Variants in COG6 observed in about 807,000 individuals in gnomAD.
COG6 encodes component of oligomeric golgi complex 6, also known as conserved oligomeric Golgi complex subunit 6.
In COG6, 74 loss-of-function variants were observed where a neutral mutation model predicts 88.8. The observed-to-expected ratio is 0.83, with a 90% CI of 0.69 to 1.01. COG6 has a LOEUF of 1.01. COG6 is among the 50% of genes least tolerant of loss of function. The pLI is 0.00. For synonymous variants in COG6, 286 were observed against 278.7 expected (o/e 1.03, Z -0.26); for missense variants, 800 against 797.9 (o/e 1.00, Z -0.03).
chr13:39,715,982 A>C (rs1878507460), intron 13 of COG6, among the ~76,000 whole-genome samples: 1 of 152,060 alleles, frequency 6.6e-6, no homozygotes, highest in Non-Finnish European at 1.5e-5. Flanking sequence ...AGGAATGATA[A>C]ATAGAATACT....
At chr13:39,733,278 C>T (rs1879555006) in intron 18 of COG6, among the ~76,000 whole-genome samples, 1 of 149,800 alleles carries the variant, frequency 6.7e-6, no homozygotes, top group Non-Finnish European at 1.5e-5. Context: ...GCAACCTCTG[C>T]GTCCTGGGTG....
chr13:39,678,354 CTGAG>C (rs1876101426), intron 5 of COG6, among the ~76,000 whole-genome samples: 1 of 152,134 alleles, frequency 6.6e-6, no homozygotes, highest in African/African-American at 2.4e-5. Flanking sequence ...GACTATAGGT[CTGAG>C]CCATAGTACC....
At chr13:39,779,295 T>C (rs1363452924) in intron 18 of COG6, among the ~76,000 whole-genome samples, 2 of 152,230 alleles carry the variant, frequency 1.3e-5, no homozygotes, top group Non-Finnish European at 2.9e-5. Flanking sequence ...CTAAGTCTGT[T>C]TGACCTGTGA....
At chr13:39,739,799 G>C (rs1166160614) in intron 18 of COG6, among the ~76,000 whole-genome samples, 1 of 152,046 alleles carries the variant, frequency 6.6e-6, no homozygotes, top group South Asian at 2.1e-4. Context: ...GTAATGAATT[G>C]AGTCATAAAT....
At chr13:39,783,484 C>T (rs1223632240) in intron 18 of COG6, among the ~76,000 whole-genome samples, 4 of 151,986 alleles carry the variant, frequency 2.6e-5, no homozygotes, top group Non-Finnish European at 5.9e-5. Context: ...AACACAATGC[C>T]TTATTTTAAA....
At chr13:39,736,374 C>T (rs1879745507) in intron 18 of COG6, among the ~76,000 whole-genome samples, 1 of 152,092 alleles carries the variant, frequency 6.6e-6, no homozygotes, top group Non-Finnish European at 1.5e-5. Flanking sequence ...CTATTTCAAG[C>T]TCTTTGTTAA....
At chr13:39,669,867 A>T (rs903548784) in intron 4 of COG6, among the ~76,000 whole-genome samples, 2 of 152,152 alleles carry the variant, frequency 1.3e-5, no homozygotes, top group African/African-American at 4.8e-5. Flanking sequence ...GTGCCAAGTG[A>T]ACGTTTGTGT....
intron 4 of COG6, among the ~76,000 whole-genome samples, chr13:39,670,291 C>T (rs1369731721): frequency 6.6e-5 from 10 of 152,006 alleles, no homozygotes; most frequent in African/African-American, 2.2e-4. Flanking sequence ...TAAAATACTA[C>T]TAAAATCACT....
chr13:39,666,022 T>A (rs1875236886), intron 4 of COG6, among the ~76,000 whole-genome samples: 1 of 152,112 alleles, frequency 6.6e-6, no homozygotes, highest in Non-Finnish European at 1.5e-5. Context: ...TGCAGTAGAG[T>A]CGTGTGGTTA....
chr13:39,770,689 C>A (rs964528981), intron 18 of COG6, among the ~76,000 whole-genome samples: 3 of 152,092 alleles, frequency 2.0e-5, no homozygotes, highest in African/African-American at 7.2e-5. Context: ...GTGGCTATAG[C>A]CATTAGTCAG....
intron 13 of COG6, 46 bp downstream of exon 13, chr13:39,699,664 T>C: frequency 1.1e-6 from 1 of 901,316 alleles, no homozygotes; most frequent in Non-Finnish European, 1.9e-6. Flanking sequence ...ATGTTTCACA[T>C]TAAAGATGTT....
intron 18 of COG6, among the ~76,000 whole-genome samples, chr13:39,765,919 CA>C (rs1349603365): frequency 2.0e-5 from 3 of 152,204 alleles, no homozygotes; most frequent in African/African-American, 7.2e-5. Flanking sequence ...GGCCAAGTGC[CA>C]AAACCATTAA....
rs767901982 is a variant in COG6, at chr13:39,699,574, T to C, written c.1240T>C (p.Phe414Leu). 1.0e-5 allele frequency: 16 copies of C among 1,581,724 alleles called. No individual in the cohort carries two copies. The highest frequency in any genetic ancestry group is 1.3e-5 in the African/African-American group (1 of 74,212). The change falls in exon 13 of 19, where the codon TTC becomes CTC. Residue 414 changes from phenylalanine (F) to leucine (L), a missense_variant. Physicochemically the swap from Phe to Leu is conservative, Grantham distance 22. Transcript: ENST00000455146. ...EEMHLLSKKI[F>L]FNSLSLHASK... Reference sequence around the variant, plus strand: ...AATGCATTTGCTAAGCAAAAAAATATTCTTCAATAGCTTGAGTCTTCATGC... The same window carrying C: ...AATGCATTTGCTAAGCAAAAAAATACTCTTCAATAGCTTGAGTCTTCATGC...
intron 12 of COG6, among the ~76,000 whole-genome samples, chr13:39,695,346 C>T (rs1462788308): frequency 1.3e-5 from 2 of 151,560 alleles, no homozygotes; most frequent in Non-Finnish European, 3.0e-5. Context: ...TTCATTTTTG[C>T]TTTACTTACG....
chr13:39,735,790 A>G (rs552967309), intron 18 of COG6, among the ~76,000 whole-genome samples: 22 of 139,718 alleles, frequency 1.6e-4, no homozygotes, highest in African/African-American at 6.0e-4. Context: ...ATGGTATTCT[A>G]GGATAAAAGT....
downstream of COG6, among the ~76,000 whole-genome samples, chr13:39,754,677 C>G (rs1013390677): frequency 1.4e-4 from 21 of 152,136 alleles, no homozygotes; most frequent in Admixed American, 1.4e-3. Flanking sequence ...TTTCATTAGT[C>G]TTATCATTAA....
At chr13:39,732,185 C>T (rs1380626237) in intron 18 of COG6, among the ~76,000 whole-genome samples, 1 of 152,160 alleles carries the variant, frequency 6.6e-6, no homozygotes, top group Non-Finnish European at 1.5e-5. Context: ...CTAGGTATCC[C>T]TTATCCAGTC....
intron 18 of COG6, among the ~76,000 whole-genome samples, chr13:39,758,167 T>A (rs569210898): frequency 4.7e-4 from 65 of 137,744 alleles, no homozygotes; most frequent in African/African-American, 1.8e-3. Context: ...TTTCGGTGAG[T>A]CGAGATTGTG....
In COG6 at chr13:39,751,066, G is replaced by A. The variant is rs147311831; in HGVS notation, c.1947G>A (p.Pro649=). The change falls in exon 19 of 19, where the codon CCG becomes CCA. Residue 649 remains proline, a synonymous_variant. Transcript: ENST00000455146. ...KDPENILHRS[P]QQVQTLLS is the part of the protein sequence containing the mutation. ...CAGAGAACATTCTTCACCGATCGCC[G>A]CAGCAAGTGCAGACGCTTCTTTCCT... is the stretch of plus-strand genomic sequence containing the variant. The A allele has an allele frequency of 9.8e-4, 1,577 of 1,613,554 alleles. 1 individual carries two copies. The highest frequency in any genetic ancestry group is 1.2e-3 in the Non-Finnish European group (1,423 of 1,179,718).
Sources: gnomAD v4.1 joint callset for allele counts (sites outside exome capture counted in the v4.1 genomes callset) on GRCh38, gnomAD v4.1.1 for gene constraint, MANE v1.5 for transcripts, NCBI Gene and HGNC (gene_info 2026-07-23, HGNC 2026-07-21) for gene names.